The following BACE1 variants were observed in gnomAD, a reference collection of about 807,000 sequenced individuals.
BACE1 encodes beta-secretase 1.
BACE1 carries 21 observed loss-of-function variants against 54.0 expected under a neutral mutation model. The observed-to-expected ratio is 0.39, with a 90% CI of 0.28 to 0.56. The LOEUF is 0.56. Among genes scored for constraint, BACE1 ranks in the 20% least tolerant of loss-of-function variants. The probability of loss-of-function intolerance (pLI) is 0.63; values close to 1 mark genes in which losing one functional copy is unlikely to be tolerated. For missense variants in BACE1, 511 were observed against 661.2 expected, an observed-to-expected ratio of 0.77 and a Z score of 2.49; for synonymous variants, 232 against 260.9, an observed-to-expected ratio of 0.89 and a Z score of 1.07.
At chr11:117,290,751 C>A (rs1190704524) in intron 7 of BACE1, 92 bp from the exon 8 acceptor site, 6 of 1,563,540 alleles carry the variant, frequency 3.8e-6, no homozygotes, top group Non-Finnish European at 4.3e-6. Context: ...CCTTTACCAT[C>A]CCTGAGCTCT....
At chr11:117,295,565 C>G (rs977874891) in intron 2 of BACE1, 4 of 1,535,698 alleles carry the variant, frequency 2.6e-6, no homozygotes, top group Non-Finnish European at 3.5e-6. Flanking sequence ...GCTTGCTCTC[C>G]TATCTATTGC....
intron 5 of BACE1, 154 bp downstream of exon 5, chr11:117,292,900 C>G: frequency 1.2e-6 from 1 of 848,626 alleles, no homozygotes; most frequent in Non-Finnish European, 1.8e-6. Flanking sequence ...TGCTGTGTGA[C>G]CATTAAGCCC....
Position 117,306,034 on chromosome 11 carries a change from T to C in BACE1, c.262-9073A>G, listed in dbSNP as rs553600671. 2.6e-5 allele frequency among the ~76,000 whole-genome samples: 4 copies of C among 151,992 alleles called. No individual in the cohort carries two copies. The South Asian group carries it at 8.3e-4, about 32-fold the overall frequency. On this transcript the variant is annotated intron_variant, in intron 1 of 8. Transcript: ENST00000313005. ...CTGGGCGACAGAGTGAGACTCCGTC[T>C]CAAAAATAAATAAATAAATAAAAAT...
Position 117,315,817 on chromosome 11 carries a change from C to A in BACE1, c.-22G>T, listed in dbSNP as rs369484014. The A allele has an allele frequency of 5.5e-5, 77 of 1,390,632 alleles. 4 individuals carry two copies. The Admixed American group carries it at 8.0e-4, about 14-fold the overall frequency. 86.1% of individuals were successfully genotyped at this position (1,390,632 alleles called of 1,614,324 possible). A position where few individuals can be genotyped will look rare whatever the true frequency, so the allele number is the denominator to read the frequency against. On this transcript the variant is annotated 5_prime_UTR_variant, in exon 1 of 9. Coordinates refer to ENST00000313005, the MANE Select transcript of BACE1 (RefSeq NM_012104.6). The surrounding 1 kb of genome is among the most constrained non-coding windows in gnomAD (Gnocchi z 5.5). ...CCATGGTGGGCCCCGGCCTTCGGGC[C>A]CTCTGGGCTCGCACTGGCCCACGTC...
At chr11:117,309,540 G>A (rs1269338366) in intron 1 of BACE1, among the ~76,000 whole-genome samples, 3 of 150,108 alleles carry the variant, frequency 2.0e-5, no homozygotes, top group Admixed American at 6.6e-5. Flanking sequence ...ATCCCTGGGC[G>A]AGACTCCCTC....
rs1434508822 is a variant in BACE1 at position 117,288,924 on chromosome 11, C to G, written c.*642G>C. 3 of 152,636 alleles carry G rather than the reference C, an allele frequency of 2.0e-5. No homozygotes were observed. Among genetic ancestry groups the G allele is most frequent in the Admixed American group, 2.0e-4 (3 of 15,330 alleles). 9.5% of individuals were successfully genotyped at this position (152,636 alleles called of 1,614,324 possible). On this transcript the variant is annotated 3_prime_UTR_variant, in exon 9 of 9. Coordinates refer to ENST00000313005, the MANE Select transcript of BACE1 (RefSeq NM_012104.6). Reference sequence around the variant, plus strand: ...GACTGGTGAGTGGTTGTGTTTCTGCCTTTCCTAGCTTTGATCCCACTATTC... The same window carrying G: ...GACTGGTGAGTGGTTGTGTTTCTGCGTTTCCTAGCTTTGATCCCACTATTC...
chr11:117,307,122 C>T (rs904527470), intron 1 of BACE1, among the ~76,000 whole-genome samples: 4 of 152,122 alleles, frequency 2.6e-5, no homozygotes, highest in Admixed American at 6.5e-5. Context: ...CCCAAGGCTG[C>T]GGTACTAAGG....
At chr11:117,295,032 G>T in intron 3 of BACE1, 99 bp downstream of exon 3, 1 of 1,229,646 alleles carries the variant, frequency 8.1e-7, no homozygotes, top group Non-Finnish European at 1.2e-6. Context: ...TAAACTGATT[G>T]TTGCCCTCCT....
intron 3 of BACE1, among the ~76,000 whole-genome samples, chr11:117,294,786 G>T (rs556620486): frequency 6.6e-6 from 1 of 151,936 alleles, no homozygotes; most frequent in African/African-American, 2.4e-5. Flanking sequence ...TCGGGAGGCT[G>T]AGGCAGGAAA....
At chr11:117,306,712 G>A (rs1349204188) in intron 1 of BACE1, among the ~76,000 whole-genome samples, 8 of 152,268 alleles carry the variant, frequency 5.3e-5, no homozygotes, top group South Asian at 2.1e-4. Context: ...TTGGCAGGCC[G>A]ACGCTGGAGA....
chr11:117,301,397 C>T (rs1452281411), intron 1 of BACE1, among the ~76,000 whole-genome samples: 1 of 152,122 alleles, frequency 6.6e-6, no homozygotes, highest in Non-Finnish European at 1.5e-5. Context: ...TCGAGACCAG[C>T]CTGGACAACA....
intron 1 of BACE1, among the ~76,000 whole-genome samples, chr11:117,308,280 C>A (rs1591868770): frequency 6.6e-6 from 1 of 152,304 alleles, no homozygotes; most frequent in African/African-American, 2.4e-5. Context: ...ACCTAATATT[C>A]TTTTCCTAAT....
intron 1 of BACE1, among the ~76,000 whole-genome samples, chr11:117,310,071 G>C (rs1039466414): frequency 6.6e-6 from 1 of 151,974 alleles, no homozygotes; most frequent in Non-Finnish European, 1.5e-5. Context: ...ACCACACCTG[G>C]CTAATTTTTG....
At chr11:117,297,280 T>C (rs2034624064) in intron 1 of BACE1, 3 of 279,680 alleles carry the variant, frequency 1.1e-5, no homozygotes, top group Non-Finnish European at 2.0e-5. Context: ...GTCAAAGAGA[T>C]AGCCAGATGG....
Position 117,285,999 on chromosome 11 carries a change from C to T in BACE1, c.*3567G>A, listed in dbSNP as rs1053421348. On this transcript the variant is annotated 3_prime_UTR_variant, in exon 9 of 9. Coordinates refer to ENST00000313005, the MANE Select transcript of BACE1 (RefSeq NM_012104.6). ...TCACCCTTTCCCATTCACTTCTGGT[C>T]TCCTAGTCTAGCTAATCCCCCTCCC... 3 of 152,644 alleles carry T rather than the reference C, an allele frequency of 2.0e-5. No individual in the cohort carries two copies. The highest frequency in any genetic ancestry group is 2.9e-5 in the Non-Finnish European group (2 of 68,060). The allele number at this position is 152,644 out of a possible 1,614,324, so 9.5% of individuals were successfully genotyped here. A position where few individuals can be genotyped will look rare whatever the true frequency, so the allele number is the denominator to read the frequency against.
rs2035083153 is a variant in BACE1 at position 117,315,449 on chromosome 11, G to A, written c.261+86C>T. 4 of 1,499,328 alleles carry A rather than the reference G, an allele frequency of 2.7e-6. No homozygotes were observed. The Admixed American group carries it at 1.0e-4, about 39-fold the overall frequency. The allele number at this position is 1,499,328 out of a possible 1,614,324, so 92.9% of individuals were successfully genotyped here. ...TCCTGCTGTCCCCACCAGCCCATTT[G>A]AGCAGGGGCTAGCTTGAGGCATCCC... On this transcript the variant is annotated intron_variant, in intron 1 of 8. Transcript: ENST00000313005. The surrounding 1 kb of genome is among the most constrained non-coding windows in gnomAD (Gnocchi z 5.5).
At chr11:117,294,170 C>T (rs990497213) in intron 3 of BACE1, 162 bp from the exon 4 acceptor site, 19 of 660,988 alleles carry the variant, frequency 2.9e-5, no homozygotes, top group Non-Finnish European at 9.9e-6. Flanking sequence ...TAGCAGGAGC[C>T]CTGGCAATGC....
Position 117,289,017 on chromosome 11 carries a change from GT to G in BACE1, c.*548del, listed in dbSNP as rs982559141. On this transcript the variant is annotated 3_prime_UTR_variant, in exon 9 of 9. Coordinates refer to ENST00000313005, the MANE Select transcript of BACE1 (RefSeq NM_012104.6). Reference sequence around the variant, plus strand: ...CCCATTTGTATAAATAGTCAATCTAGTTTTTTTTTTTAATTCAAGAGGCAAT... The same window carrying G: ...CCCATTTGTATAAATAGTCAATCTAGTTTTTTTTTTAATTCAAGAGGCAAT... 60 of 148,730 alleles carry G rather than the reference GT, an allele frequency of 4.0e-4. No individual in the cohort carries two copies. The highest frequency in any genetic ancestry group is 5.2e-4 in the Non-Finnish European group (35 of 67,272). 9.2% of individuals were successfully genotyped at this position (148,730 alleles called of 1,614,324 possible). A position where few individuals can be genotyped will look rare whatever the true frequency, so the allele number is the denominator to read the frequency against.
Position 117,295,320 on chromosome 11 carries a change from C to T in BACE1, c.378G>A (p.Lys126=), listed in dbSNP as rs1179766274. 3 of 1,613,972 alleles carry T rather than the reference C, an allele frequency of 1.9e-6. No homozygotes were observed. Among genetic ancestry groups the T allele is most frequent in the Non-Finnish European group, 2.5e-6 (3 of 1,179,824 alleles). ...QLSSTYRDLR[K]GVYVPYTQGK... ...CCTGGGTGTAGGGCACATACACACCCTTCCGGAGGTCCCGGTATGTGCTGG... is the reference window on the plus strand; with the variant it reads ...CCTGGGTGTAGGGCACATACACACCTTTCCGGAGGTCCCGGTATGTGCTGG... The change falls in exon 3 of 9, where the codon AAG becomes AAA. Residue 126 remains lysine, a synonymous_variant. Coordinates refer to ENST00000313005, the MANE Select transcript of BACE1 (RefSeq NM_012104.6).
Sources: allele counts gnomAD v4.1 joint callset (sites outside exome capture counted in the v4.1 genomes callset), GRCh38; gene constraint gnomAD v4.1.1; non-coding constraint Gnocchi (gnomAD v3.1); transcripts MANE v1.5; gene names NCBI Gene and HGNC (gene_info 2026-07-23, HGNC 2026-07-21).